The following ATP8A2 variants were observed in gnomAD, a reference collection of about 807,000 sequenced individuals.
ATP8A2 encodes phospholipid-transporting ATPase IB.
ATP8A2 carries 100 observed loss-of-function variants against 165.6 expected under a neutral mutation model. The observed-to-expected ratio is 0.60, with a 90% confidence interval of 0.51 to 0.71. ATP8A2 has a LOEUF of 0.71. ATP8A2 is among the 30% of genes least tolerant of loss of function. The probability of loss-of-function intolerance (pLI) is 0.00; values close to 1 mark genes in which losing one functional copy is unlikely to be tolerated. For synonymous variants in ATP8A2, 543 were observed against 548.8 expected, an observed-to-expected ratio of 0.99 and a Z score of 0.15; for missense variants, 1,227 against 1,479.5, an observed-to-expected ratio of 0.83 and a Z score of 2.80.
intron 25 of ATP8A2, among the ~76,000 whole-genome samples, chr13:25,704,516 T>A (rs950666506): frequency 2.6e-5 from 4 of 152,000 alleles, no homozygotes; most frequent in Non-Finnish European, 4.4e-5. Context: ...AAAATTTTTT[T>A]ATAGAGATGG....
At chr13:25,450,644 G>A (rs1488748257) in intron 1 of ATP8A2, among the ~76,000 whole-genome samples, 1 of 152,094 alleles carries the variant, frequency 6.6e-6, no homozygotes, top group South Asian at 2.1e-4. Flanking sequence ...CCATTCTCCT[G>A]CTTCAGCCTC....
At chr13:25,812,800 A>T (rs1048087544) in intron 27 of ATP8A2, among the ~76,000 whole-genome samples, 1 of 152,120 alleles carries the variant, frequency 6.6e-6, no homozygotes, top group Non-Finnish European at 1.5e-5. Context: ...CCTTGTTTCT[A>T]TTCACACTAG....
rs1318381800 is a variant in ATP8A2 at position 25,953,928 on chromosome 13, G to A, written c.3184-7647G>A. Among the ~76,000 whole-genome samples the A allele has an allele frequency of 6.6e-6, 1 of 151,192 alleles. No individual in the cohort carries two copies. Among genetic ancestry groups the A allele is most frequent in the East Asian group, 2.0e-4 (1 of 5,088 alleles). ...GTTTCAAGCACAAAACTGCATGGCT[G>A]TTTCGGCAGACACCGAGCTAGCTGC... On this transcript the variant is annotated intron_variant, in intron 33 of 36. Coordinates refer to ENST00000381655, the MANE Select transcript of ATP8A2 (RefSeq NM_016529.6). The surrounding 1 kb of genome is among the most constrained non-coding windows in gnomAD (Gnocchi z 6.7).
At position 25,443,164 on chromosome 13, in the gene ATP8A2, G is replaced by C. The variant is rs189864529; in HGVS notation, c.77-25813G>C. On this transcript the variant is annotated intron_variant, in intron 1 of 36. Transcript: ENST00000381655. ...ACGGTTTAATTTCATCCTTATAACT[G>C]TGAGATGGATTATTTTTCTTGTTGT... is the stretch of plus-strand genomic sequence containing the variant. 2.5e-3 allele frequency among the ~76,000 whole-genome samples: 373 copies of C among 152,240 alleles called. 2 individuals carry two copies. The highest frequency in any genetic ancestry group is 3.4e-3 in the Non-Finnish European group (231 of 68,026).
intron 33 of ATP8A2, among the ~76,000 whole-genome samples, chr13:25,895,125 G>C (rs1444213860): frequency 6.6e-6 from 1 of 152,194 alleles, no homozygotes; most frequent in East Asian, 1.9e-4. Context: ...TTTTCAAAAA[G>C]AATGCTTCCA....
intron 35 of ATP8A2, 83 bp downstream of exon 35, chr13:25,968,762 A>G: frequency 8.3e-7 from 1 of 1,197,852 alleles, no homozygotes. Context: ...TCTTTTTCTC[A>G]TCTTGGTTTT....
intron 24 of ATP8A2, among the ~76,000 whole-genome samples, chr13:25,630,128 A>G (rs951139997): frequency 2.6e-5 from 4 of 152,072 alleles, no homozygotes; most frequent in African/African-American, 4.8e-5. Context: ...CAGGCCTCAA[A>G]TTTTGTGTGC....
At chr13:25,744,051 T>A (rs554153965) in intron 25 of ATP8A2, among the ~76,000 whole-genome samples, 8 of 152,346 alleles carry the variant, frequency 5.3e-5, no homozygotes, top group Non-Finnish European at 1.0e-4. Context: ...AACTATCTTA[T>A]ATTGTGGGTC....
chr13:26,000,345 G>A (rs1956608087), intron 35 of ATP8A2, among the ~76,000 whole-genome samples: 1 of 152,212 alleles, frequency 6.6e-6, no homozygotes, highest in Admixed American at 6.5e-5. Context: ...CAGATTTGGA[G>A]TTATTTGCTG....
chr13:25,769,105 T>C lies in ATP8A2; in HGVS notation c.2444T>C (p.Ile815Thr). 1 of 1,614,188 alleles carries C rather than the reference T, an allele frequency of 6.2e-7. No individual in the cohort carries two copies. The highest frequency in any genetic ancestry group is 1.1e-5 in the South Asian group (1 of 91,080). ...GTGGTGAAGAAGCGGGTGAAGGCCA[T>C]CACCCTCGCCATCGGAGACGGCGCC... ...VDVVKKRVKA[I>T]TLAIGDGAND... The change falls in exon 26 of 37, where the codon ATC becomes ACC. Residue 815 changes from isoleucine (I) to threonine (T), a missense_variant. Around this residue, in one of 5 missense-constraint regions of ATP8A2, gnomAD observed 592 missense variants for 785.6 expected, o/e 0.75. Transcript: ENST00000381655.
intron 2 of ATP8A2, among the ~76,000 whole-genome samples, chr13:25,480,445 G>A (rs1360977975): frequency 1.3e-5 from 2 of 151,084 alleles, no homozygotes; most frequent in South Asian, 2.1e-4. Context: ...CAGATGGGGC[G>A]GCTGGGCAGA....
At chr13:25,705,390 G>T (rs2043036194) in intron 25 of ATP8A2, 1 of 171,696 alleles carries the variant, frequency 5.8e-6, no homozygotes. Flanking sequence ...CTCATTAGCA[G>T]ATGTGATTTA....
chr13:25,758,070 C>T (rs547378397), intron 25 of ATP8A2, among the ~76,000 whole-genome samples: 2 of 152,190 alleles, frequency 1.3e-5, no homozygotes, highest in Non-Finnish European at 2.9e-5. Flanking sequence ...TGGCTGTCCT[C>T]ATGTTAATTT....
intron 6 of ATP8A2, among the ~76,000 whole-genome samples, 155 bp downstream of exon 6, chr13:25,533,468 C>T (rs7319993): frequency 0.64 from 96,700 of 151,334 alleles, 31,928 homozygotes; most frequent in Middle Eastern, 0.71. Context: ...TTCCCTTGCA[C>T]CTTCTAGTAA....
intron 2 of ATP8A2, among the ~76,000 whole-genome samples, chr13:25,498,596 G>C (rs1230996819): frequency 6.6e-6 from 1 of 152,010 alleles, no homozygotes; most frequent in Non-Finnish European, 1.5e-5. Flanking sequence ...ACCCTACCTC[G>C]GCCAAGCTCA....
intron 27 of ATP8A2, among the ~76,000 whole-genome samples, chr13:25,817,318 A>C (rs1356627071): frequency 7.1e-6 from 1 of 140,976 alleles, no homozygotes; most frequent in Non-Finnish European, 1.5e-5. Flanking sequence ...TTAATTGTGC[A>C]TACCCCATCT....
chr13:25,826,376 G>A (rs1951313346), intron 27 of ATP8A2, among the ~76,000 whole-genome samples: 2 of 152,184 alleles, frequency 1.3e-5, no homozygotes, highest in Non-Finnish European at 2.9e-5. Context: ...GGTGAAAGCT[G>A]TATTTAAGGA....
chr13:25,507,716 T>C (rs1188649713), intron 2 of ATP8A2, among the ~76,000 whole-genome samples: 1 of 152,162 alleles, frequency 6.6e-6, no homozygotes, highest in African/African-American at 2.4e-5. Flanking sequence ...CCATTACATA[T>C]ATAATGAGGT....
intron 16 of ATP8A2, among the ~76,000 whole-genome samples, chr13:25,568,740 T>C (rs1322889758): frequency 6.6e-6 from 1 of 152,176 alleles, no homozygotes; most frequent in African/African-American, 2.4e-5. Context: ...ATTTTATACT[T>C]ACAAATGGTT....
Sources: gnomAD v4.1 joint callset for allele counts (sites outside exome capture counted in the v4.1 genomes callset) on GRCh38, gnomAD v4.1.1 for gene constraint, gnomAD v4.1.1 regional missense constraint, Gnocchi (gnomAD v3.1) non-coding constraint, MANE v1.5 for transcripts, NCBI Gene and HGNC (gene_info 2026-07-23, HGNC 2026-07-21) for gene names.